Variants in VEPH1 observed in about 807,000 individuals in gnomAD.
VEPH1 encodes ventricular zone-expressed PH domain-containing protein homolog 1.
Under a neutral mutation model 85.2 loss-of-function variants are expected in VEPH1, and 80 were observed. The observed-to-expected ratio is 0.94, with a 90% CI of 0.78 to 1.13. The LOEUF is 1.13. VEPH1 is among the 50% of genes most tolerant of loss of function. The pLI, the probability that VEPH1 is intolerant of heterozygous loss-of-function variation, is 0.00. For missense variants in VEPH1, 955 were observed against 980.5 expected (o/e 0.97, Z 0.35); for synonymous variants, 297 against 348.0 (o/e 0.85, Z 1.63).
intron 7 of VEPH1, among the ~76,000 whole-genome samples, chr3:157,371,194 G>A (rs1283421807): frequency 7.9e-5 from 12 of 152,158 alleles, no homozygotes; most frequent in African/African-American, 2.4e-4. Context: ...TAAACAGTGC[G>A]TACTAAAAGA....
intron 11 of VEPH1, among the ~76,000 whole-genome samples, chr3:157,309,701 T>A (rs1719884590): frequency 6.6e-6 from 1 of 152,048 alleles, no homozygotes; most frequent in Admixed American, 6.5e-5. Context: ...CATAAGCATT[T>A]CCACATTTTG....
intron 4 of VEPH1, among the ~76,000 whole-genome samples, chr3:157,438,991 A>G (rs1484255444): frequency 1.3e-5 from 2 of 152,186 alleles, no homozygotes; most frequent in Non-Finnish European, 2.9e-5. Flanking sequence ...AAAGTTAAAG[A>G]ATTTTATGTA....
At chr3:157,271,355 CAG>C (rs751397626) in intron 12 of VEPH1, among the ~76,000 whole-genome samples, 10 of 152,158 alleles carry the variant, frequency 6.6e-5, no homozygotes, top group Non-Finnish European at 1.5e-4. Flanking sequence ...TGGCAGGAAA[CAG>C]ATGGCATCTC....
chr3:157,380,501 G>A (rs1255626273), intron 7 of VEPH1, among the ~76,000 whole-genome samples: 2 of 152,152 alleles, frequency 1.3e-5, no homozygotes, highest in Non-Finnish European at 2.9e-5. Flanking sequence ...AATGACTTCT[G>A]TTTCCAGAAA....
chr3:157,487,746 G>T (rs1738782816), intron 2 of VEPH1, among the ~76,000 whole-genome samples: 1 of 151,972 alleles, frequency 6.6e-6, no homozygotes, highest in Admixed American at 6.6e-5. Flanking sequence ...TACAATAATG[G>T]TTCTATATTT....
chr3:157,465,443 T>C (rs1308306205), intron 3 of VEPH1, among the ~76,000 whole-genome samples: 1 of 152,232 alleles, frequency 6.6e-6, no homozygotes, highest in Non-Finnish European at 1.5e-5. Context: ...AGTCTATTAA[T>C]TTAATTTTCA....
At chr3:157,488,323 C>T (rs899322666) in intron 2 of VEPH1, among the ~76,000 whole-genome samples, 9 of 152,200 alleles carry the variant, frequency 5.9e-5, no homozygotes, top group African/African-American at 2.2e-4. Flanking sequence ...CATCCAGTGA[C>T]AACTGCTCTT....
At chr3:157,419,160 C>T (rs375131044) in intron 5 of VEPH1, among the ~76,000 whole-genome samples, 5 of 151,932 alleles carry the variant, frequency 3.3e-5, no homozygotes, top group African/African-American at 9.7e-5. Flanking sequence ...CCCTTCCTTA[C>T]GCCTCATAAA....
chr3:157,300,038 G>A (rs62281372), intron 11 of VEPH1, among the ~76,000 whole-genome samples: 27,527 of 152,178 alleles, frequency 0.18, 3,167 homozygotes, highest in Non-Finnish European at 0.27. Context: ...AAAAGCGCTG[G>A]TAAGTAGGTG....
At chr3:157,471,042 C>T (rs1560090676) in intron 2 of VEPH1, among the ~76,000 whole-genome samples, 1 of 152,136 alleles carries the variant, frequency 6.6e-6, no homozygotes, top group South Asian at 2.1e-4. Context: ...CCTCCATTCC[C>T]CTGTCTTAAT....
chr3:157,330,209 A>T (rs142629248), intron 9 of VEPH1, among the ~76,000 whole-genome samples: 1 of 152,238 alleles, frequency 6.6e-6, no homozygotes, highest in East Asian at 1.9e-4. Flanking sequence ...GAAATTAAAT[A>T]AAGTGTTTTG....
intron 7 of VEPH1, among the ~76,000 whole-genome samples, chr3:157,374,092 C>T (rs1471080210): frequency 6.6e-6 from 1 of 152,194 alleles, no homozygotes; most frequent in Non-Finnish European, 1.5e-5. Context: ...TGAATAACAG[C>T]TGGAACATAA....
At chr3:157,281,087 C>T (rs373978573) in intron 12 of VEPH1, among the ~76,000 whole-genome samples, 111 of 148,680 alleles carry the variant, frequency 7.5e-4, no homozygotes, top group African/African-American at 2.3e-3. Context: ...CATATGTGTG[C>T]GTGTGTGTGT....
chr3:157,500,103 C>G (rs1242876927), intron 1 of VEPH1, among the ~76,000 whole-genome samples: 1 of 152,138 alleles, frequency 6.6e-6, no homozygotes, highest in Non-Finnish European at 1.5e-5. Flanking sequence ...TAGAAATCCA[C>G]GTGGACCAGA....
chr3:157,346,644 A>C (rs1477089201), intron 9 of VEPH1, among the ~76,000 whole-genome samples: 1 of 151,758 alleles, frequency 6.6e-6, no homozygotes, highest in East Asian at 1.9e-4. Context: ...ATCTCACTTC[A>C]TTGCCCAGGC....
intron 5 of VEPH1, among the ~76,000 whole-genome samples, chr3:157,417,086 A>T (rs1305481969): frequency 1.3e-5 from 2 of 152,148 alleles, no homozygotes; most frequent in Admixed American, 6.5e-5. Context: ...TTTTACTCTG[A>T]ATTCCTAATA....
chr3:157,272,370 C>CTTTCTTTCT (rs1553754661), intron 12 of VEPH1, among the ~76,000 whole-genome samples: 71 of 111,358 alleles, frequency 6.4e-4, no homozygotes, highest in African/African-American at 2.4e-3. Context: ...CTTTCTTTCT[C>CTTTCTTTCT]TTTCTTTTCT....
intron 9 of VEPH1, among the ~76,000 whole-genome samples, chr3:157,360,835 G>T (rs991737519): frequency 2.6e-5 from 4 of 151,934 alleles, no homozygotes; most frequent in African/African-American, 9.7e-5. Flanking sequence ...CATAAATCAG[G>T]GACCATCTGT....
At chr3:157,441,670 C>T (rs947791506) in intron 4 of VEPH1, among the ~76,000 whole-genome samples, 5 of 151,890 alleles carry the variant, frequency 3.3e-5, no homozygotes, top group East Asian at 3.9e-4. Context: ...GTTAGCTGGG[C>T]GCAGTGGTGT....
Sources: allele counts gnomAD v4.1 joint callset (sites outside exome capture counted in the v4.1 genomes callset), GRCh38; gene constraint gnomAD v4.1.1; transcripts MANE v1.5; gene names NCBI Gene and HGNC (gene_info 2026-07-23, HGNC 2026-07-21).